The following ZNF469 variants were observed in gnomAD, a reference collection of about 807,000 sequenced individuals.
ZNF469 encodes the protein zinc finger protein 469.
In ZNF469, 1 loss-of-function variant was observed where a neutral mutation model predicts 1.0. The observed-to-expected ratio is 1.00, with a 90% CI of 0.35 to 4.73. The LOEUF (loss-of-function observed/expected upper bound fraction) is 4.73. Among genes scored for constraint, ZNF469 ranks in the 30% most tolerant of loss-of-function variants. The pLI, the probability that ZNF469 is intolerant of heterozygous loss-of-function variation, is 0.16. For synonymous variants in ZNF469, 2,703 were observed against 2,363.4 expected (o/e 1.14, Z -4.17); for missense variants, 6,100 against 5,356.3 (o/e 1.14, Z -4.33).
At chr16:88,328,284 G>A in the ZNF469 span, among the ~76,000 whole-genome samples, 1 of 152,252 alleles carries the variant, frequency 6.6e-6, no homozygotes, top group Non-Finnish European at 1.5e-5. Context: ...TGCCTGTAGA[G>A]GAACAAAATT....
chr16:88,320,173 T>A, the ZNF469 span, among the ~76,000 whole-genome samples: 7 of 152,376 alleles, frequency 4.6e-5, no homozygotes, highest in East Asian at 1.2e-3. Context: ...CTGAGTGCCT[T>A]GCACGTGTTT....
the ZNF469 span, among the ~76,000 whole-genome samples, chr16:88,128,492 G>A: frequency 1.5e-3 from 230 of 152,336 alleles, 4 homozygotes; most frequent in East Asian, 3.9e-4. Context: ...GCACCATTGT[G>A]GTTCAGAACA....
At chr16:88,420,447 C>T (rs1905423215) in intron 1 of ZNF469, among the ~76,000 whole-genome samples, 1 of 152,250 alleles carries the variant, frequency 6.6e-6, no homozygotes, top group African/African-American at 2.4e-5. Flanking sequence ...TCAGATCCAA[C>T]CTCCATTTAC....
At position 88,432,514 on chromosome 16, in the gene ZNF469, G is replaced by C; in HGVS notation, c.5044G>C (p.Gly1682Arg). Residue 1682 changes from glycine to arginine, a missense_variant, in exon 3 of 3, where the codon GGG becomes CGG. Gly to Arg is a moderately radical substitution (Grantham distance 125). Coordinates refer to ENST00000565624, the MANE Select transcript of ZNF469 (RefSeq NM_001367624.2). The part of the protein sequence containing the change: ...LPCAQEDLVS[G>R]APFSPRGANF... ...CTGTGCCCAGGAAGACCTGGTTTCT[G>C]GGGCTCCTTTCAGCCCCAGGGGAGC... The C allele has an allele frequency of 6.5e-7, 1 of 1,550,364 alleles. No individual in the cohort carries two copies.
rs775591971 is a variant in ZNF469, at chr16:88,429,131, C to A, written c.1661C>A (p.Thr554Lys). The change falls in exon 3 of 3, where the codon ACA becomes AAA. Residue 554 changes from threonine (T) to lysine (K), a missense_variant. Transcript: ENST00000565624. Reference sequence around the variant, plus strand: ...GCACTGTTCACCTACAACGGAATGACAGACCCTGGGGCTCAGCCCCTGTTC... The same window carrying A: ...GCACTGTTCACCTACAACGGAATGAAAGACCCTGGGGCTCAGCCCCTGTTC... ...SPALFTYNGM[T>K]DPGAQPLFFG... 1 of 1,550,004 alleles carries A rather than the reference C, an allele frequency of 6.5e-7. No individual in the cohort carries two copies. The highest frequency in any genetic ancestry group is 2.4e-5 in the East Asian group (1 of 40,908).
the ZNF469 span, among the ~76,000 whole-genome samples, chr16:88,327,662 C>T: frequency 6.6e-6 from 1 of 152,164 alleles, no homozygotes; most frequent in Non-Finnish European, 1.5e-5. Flanking sequence ...GTTCCTCCCT[C>T]CTCTCCGCTC....
the ZNF469 span, among the ~76,000 whole-genome samples, chr16:88,293,832 A>G: frequency 6.6e-6 from 1 of 152,120 alleles, no homozygotes; most frequent in South Asian, 2.1e-4. Flanking sequence ...ATTGTGGGGC[A>G]TGGAGGGGGC....
At chr16:88,239,715 ATTTTTTT>A in the ZNF469 span, among the ~76,000 whole-genome samples, 73 of 6,682 alleles carry the variant, frequency 0.011, no homozygotes, top group East Asian at 0.032. Flanking sequence ...ATATATATAT[ATTTTTTT>A]TTTTTTTTTT....
chr16:88,281,246 C>T, the ZNF469 span, among the ~76,000 whole-genome samples: 758 of 131,096 alleles, frequency 5.8e-3, 45 homozygotes, highest in African/African-American at 0.019. Flanking sequence ...TGTGCCACAC[C>T]GATTCTTGGT....
Position 88,435,503 on chromosome 16 carries a change from G to A in ZNF469, c.8033G>A (p.Cys2678Tyr). The change falls in exon 3 of 3, where the codon TGC becomes TAC. Residue 2678 changes from cysteine to tyrosine, a missense_variant. Coordinates refer to ENST00000565624, the MANE Select transcript of ZNF469 (RefSeq NM_001367624.2). ...MASYAASPSH[C>Y]LSVEGGPEAD... ...AGTTACGCAGCCTCTCCGAGCCACT[G>A]CCTCTCTGTGGAAGGAGGGCCTGAG... The A allele has an allele frequency of 6.5e-7, 1 of 1,549,314 alleles. No homozygotes were observed. Among genetic ancestry groups the A allele is most frequent in the Non-Finnish European group, 8.7e-7 (1 of 1,146,988 alleles).
At chr16:88,252,746 G>A in the ZNF469 span, among the ~76,000 whole-genome samples, 2 of 152,174 alleles carry the variant, frequency 1.3e-5, no homozygotes, top group African/African-American at 4.8e-5. Context: ...AAGCACATAT[G>A]TTAAGTGTGT....
chr16:88,185,282 C>T, the ZNF469 span, among the ~76,000 whole-genome samples: 1 of 152,128 alleles, frequency 6.6e-6, no homozygotes. Context: ...CTAGTATAGC[C>T]AGACACACAG....
chr16:88,394,030 G>A (rs543176118), intron 1 of ZNF469, among the ~76,000 whole-genome samples: 2 of 152,120 alleles, frequency 1.3e-5, no homozygotes, highest in South Asian at 4.1e-4. Flanking sequence ...CACCTGTGCT[G>A]TCCAAGAGGA....
the ZNF469 span, among the ~76,000 whole-genome samples, chr16:88,349,191 C>A: frequency 2.8e-4 from 43 of 152,188 alleles, no homozygotes; most frequent in Non-Finnish European, 5.3e-4. Flanking sequence ...GCCGGTGCAG[C>A]CTTCCCCGAC....
At chr16:88,263,267 A>G in the ZNF469 span, among the ~76,000 whole-genome samples, 787 of 152,220 alleles carry the variant, frequency 5.2e-3, 6 homozygotes, top group African/African-American at 0.018. Context: ...TGGGGTAGAA[A>G]ACGAACTAGG....
the ZNF469 span, among the ~76,000 whole-genome samples, chr16:88,310,042 C>A: frequency 1.3e-5 from 2 of 152,110 alleles, no homozygotes; most frequent in African/African-American, 4.8e-5. Context: ...GTGTGCAATT[C>A]CTGTGCACTG....
At chr16:88,364,663 T>C in the ZNF469 span, among the ~76,000 whole-genome samples, 3 of 152,194 alleles carry the variant, frequency 2.0e-5, no homozygotes, top group Admixed American at 6.5e-5. Context: ...TGCCATTTTC[T>C]ACATAAAAGT....
the ZNF469 span, among the ~76,000 whole-genome samples, chr16:88,377,018 C>T: frequency 2.0e-5 from 3 of 152,260 alleles, no homozygotes; most frequent in East Asian, 1.9e-4. Flanking sequence ...CAGGCCCCAG[C>T]GCAGGCTGGC....
rs1405846959 is a variant in ZNF469, at chr16:88,436,958, T to A, written c.9488T>A (p.Leu3163Gln). Reference protein sequence around the residue: ...FGSRELLRGHLQERHAQSKAG... With the variant: ...FGSRELLRGHQQERHAQSKAG... The stretch of plus-strand genomic sequence containing the variant: ...TCGCGGGAGCTGCTGCGGGGGCACC[T>A]GCAGGAGAGGCACGCGCAGAGCAAG... Residue 3163 changes from leucine (L) to glutamine (Q), a missense_variant, in exon 3 of 3, where the codon CTG becomes CAG. Physicochemically the swap from Leu to Gln is moderately radical, Grantham distance 113. Coordinates refer to ENST00000565624, the MANE Select transcript of ZNF469 (RefSeq NM_001367624.2). 3 of 1,498,352 alleles carry A rather than the reference T, an allele frequency of 2.0e-6. No individual in the cohort carries two copies. Among genetic ancestry groups the A allele is most frequent in the African/African-American group, 1.4e-5 (1 of 72,126 alleles). The allele number at this position is 1,498,352 out of a possible 1,614,324, so 92.8% of individuals were successfully genotyped here. A position where few individuals can be genotyped will look rare whatever the true frequency, so the allele number is the denominator to read the frequency against.
Sources: allele counts gnomAD v4.1 joint callset (sites outside exome capture counted in the v4.1 genomes callset), GRCh38; gene constraint gnomAD v4.1.1; transcripts MANE v1.5; gene names NCBI Gene and HGNC (gene_info 2026-07-23, HGNC 2026-07-21).